Variants in XXYLT1 observed in about 807,000 individuals in gnomAD.
XXYLT1 encodes xyloside xylosyltransferase 1, also known as UDP-xylose:alpha-xyloside alpha-1,3-xylosyltransferase.
In XXYLT1, 20 loss-of-function variants were observed where a neutral mutation model predicts 28.9. The observed-to-expected ratio is 0.69, with a 90% CI of 0.49 to 1.00. XXYLT1 has a LOEUF of 1.00. Among genes scored for constraint, XXYLT1 ranks in the 50% least tolerant of loss-of-function variants. XXYLT1 has a pLI of 0.00. For synonymous variants in XXYLT1, 257 were observed against 253.8 expected (o/e 1.01, Z -0.12); for missense variants, 542 against 560.1 (o/e 0.97, Z 0.33).
chr3:195,109,357 T>C (rs1577036088), intron 3 of XXYLT1, among the ~76,000 whole-genome samples: 1 of 152,108 alleles, frequency 6.6e-6, no homozygotes, highest in East Asian at 1.9e-4. Flanking sequence ...GTGTATGGTG[T>C]GTCTGTGTGT....
intron 1 of XXYLT1, among the ~76,000 whole-genome samples, chr3:195,233,807 CTG>C (rs751252604): frequency 6.6e-6 from 1 of 152,172 alleles, no homozygotes; most frequent in African/African-American, 2.4e-5. Context: ...TTTTAACAGT[CTG>C]TGTTTTTCTC....
At chr3:195,215,615 G>A (rs1398507332) in intron 2 of XXYLT1, among the ~76,000 whole-genome samples, 3 of 142,558 alleles carry the variant, frequency 2.1e-5, no homozygotes, top group Non-Finnish European at 4.6e-5. Context: ...TCAACAAGAA[G>A]AGCTAACTAT....
chr3:195,156,708 ACAGTTACCG>A (rs769073792), intron 2 of XXYLT1, 127 bp from the exon 3 acceptor site: 107 of 1,254,902 alleles, frequency 8.5e-5, no homozygotes, highest in Non-Finnish European at 1.1e-4. Context: ...TGAATGATGC[ACAGTTACCG>A]CTGGAACAAA....
At chr3:195,123,598 C>T (rs755982866) in intron 3 of XXYLT1, among the ~76,000 whole-genome samples, 2 of 152,036 alleles carry the variant, frequency 1.3e-5, no homozygotes, top group African/African-American at 2.4e-5. Context: ...GGACTCTGAA[C>T]GCTGCTCAAG....
intron 2 of XXYLT1, among the ~76,000 whole-genome samples, chr3:195,213,762 C>A (rs1159458955): frequency 6.6e-6 from 1 of 152,166 alleles, no homozygotes; most frequent in Non-Finnish European, 1.5e-5. Context: ...TAACACTTAC[C>A]AAGCATCTCT....
At chr3:195,159,727 T>A (rs1720775354) in intron 2 of XXYLT1, among the ~76,000 whole-genome samples, 1 of 152,168 alleles carries the variant, frequency 6.6e-6, no homozygotes, top group Non-Finnish European at 1.5e-5. Flanking sequence ...AACACCTATG[T>A]CTTCTGCCTG....
rs755349297 is a variant in XXYLT1, at chr3:195,195,448, C to G, written c.652+31261G>C. Reference sequence around the variant, plus strand: ...CTCAGGCGCCTAAGACTGTTCCAGTCAGAAGTCCCACTGAGAAGTGGCCGC... The same window carrying G: ...CTCAGGCGCCTAAGACTGTTCCAGTGAGAAGTCCCACTGAGAAGTGGCCGC... On this transcript the variant is annotated intron_variant, in intron 2 of 3. Transcript: ENST00000310380. This position sits in a 1 kb window ranked among gnomAD's most constrained non-coding sequence, Gnocchi z 4.4. Among the ~76,000 whole-genome samples, 3 of 152,138 alleles carry G rather than the reference C, an allele frequency of 2.0e-5. No individual in the cohort carries two copies. Among genetic ancestry groups the G allele is most frequent in the Non-Finnish European group, 2.9e-5 (2 of 68,034 alleles).
intron 1 of XXYLT1, among the ~76,000 whole-genome samples, chr3:195,262,710 G>A (rs753563278): frequency 2.6e-5 from 4 of 152,002 alleles, no homozygotes; most frequent in Non-Finnish European, 5.9e-5. Context: ...ACATACTTGC[G>A]GGCTTCTCCA....
chr3:195,253,752 G>A (rs2108843866), intron 1 of XXYLT1, among the ~76,000 whole-genome samples: 1 of 152,124 alleles, frequency 6.6e-6, no homozygotes, highest in African/African-American at 2.4e-5. Context: ...GCCCGCCTCG[G>A]CCTCCCAAAG....
intron 2 of XXYLT1, among the ~76,000 whole-genome samples, chr3:195,183,287 G>A (rs1210735863): frequency 1.3e-5 from 2 of 152,292 alleles, no homozygotes; most frequent in Admixed American, 6.5e-5. Context: ...CCCCCACGCT[G>A]TTCTAGTAAT....
At chr3:195,243,551 T>C (rs1724874419) in intron 1 of XXYLT1, among the ~76,000 whole-genome samples, 1 of 152,250 alleles carries the variant, frequency 6.6e-6, no homozygotes, top group Non-Finnish European at 1.5e-5. Flanking sequence ...GAGGTTTTCC[T>C]GGAGTGACAG....
intron 3 of XXYLT1, among the ~76,000 whole-genome samples, chr3:195,117,482 T>A (rs1015749004): frequency 3.9e-5 from 6 of 152,262 alleles, no homozygotes; most frequent in African/African-American, 1.4e-4. Flanking sequence ...AAACAATTTT[T>A]AAAAACTTGT....
chr3:195,125,920 G>T (rs567026078), intron 3 of XXYLT1, among the ~76,000 whole-genome samples: 12 of 152,160 alleles, frequency 7.9e-5, no homozygotes, highest in Non-Finnish European at 1.5e-4. Context: ...AACAGGGAAG[G>T]TGCGGGCAGG....
At chr3:195,073,351 G>T (rs1714934381) in intron 3 of XXYLT1, among the ~76,000 whole-genome samples, 1 of 152,232 alleles carries the variant, frequency 6.6e-6, no homozygotes, top group African/African-American at 2.4e-5. Context: ...CTTCACAGGA[G>T]TCTGGGGCTG....
chr3:195,110,502 G>GT (rs1717577841), intron 3 of XXYLT1, among the ~76,000 whole-genome samples: 1 of 102,624 alleles, frequency 9.7e-6, no homozygotes, highest in African/African-American at 4.3e-5. Flanking sequence ...ATGTGTGCAT[G>GT]GTGTGTGGTG....
chr3:195,184,662 C>T (rs1469895122), intron 2 of XXYLT1: 15 of 985,248 alleles, frequency 1.5e-5, no homozygotes, highest in Middle Eastern at 5.2e-4. Flanking sequence ...CAGGACTCAC[C>T]GGAGAACCAA....
At chr3:195,249,986 G>T (rs1725188853) in intron 1 of XXYLT1, among the ~76,000 whole-genome samples, 1 of 152,090 alleles carries the variant, frequency 6.6e-6, no homozygotes, top group African/African-American at 2.4e-5. Context: ...GGTCTCCCCA[G>T]CATTCTACTC....
chr3:195,149,009 T>C (rs1345965453), intron 3 of XXYLT1, among the ~76,000 whole-genome samples: 1 of 152,196 alleles, frequency 6.6e-6, no homozygotes, highest in African/African-American at 2.4e-5. Context: ...ATGGATATTA[T>C]AATATTGGGG....
At chr3:195,108,014 C>T (rs1296388448) in intron 3 of XXYLT1, among the ~76,000 whole-genome samples, 3 of 152,134 alleles carry the variant, frequency 2.0e-5, no homozygotes, top group Non-Finnish European at 2.9e-5. Flanking sequence ...GCAGTTGAAC[C>T]GTGTCAGATG....
Sources: gnomAD v4.1 joint callset for allele counts (sites outside exome capture counted in the v4.1 genomes callset) on GRCh38, gnomAD v4.1.1 for gene constraint, Gnocchi (gnomAD v3.1) non-coding constraint, MANE v1.5 for transcripts, NCBI Gene and HGNC (gene_info 2026-07-23, HGNC 2026-07-21) for gene names.